Variants in CABLES1 observed in about 807,000 individuals in gnomAD.
The protein encoded by CABLES1 is CDK5 and ABL1 enzyme substrate 1.
Under a neutral mutation model 57.8 loss-of-function variants are expected in CABLES1, and 36 were observed. The ratio of observed to expected loss-of-function variants is 0.62; its 90% CI spans 0.48 to 0.82. The LOEUF (loss-of-function observed/expected upper bound fraction) is 0.82. Ranked by LOEUF, CABLES1 falls within the 40% of genes least tolerant of loss-of-function variation. The pLI, the probability that CABLES1 is intolerant of heterozygous loss-of-function variation, is 0.00. For synonymous variants in CABLES1, 374 were observed against 363.0 expected, an observed-to-expected ratio of 1.03 and a Z score of -0.35; for missense variants, 767 against 836.6, an observed-to-expected ratio of 0.92 and a Z score of 1.03.
intron 3 of CABLES1, among the ~76,000 whole-genome samples, chr18:23,208,394 CA>C (rs2047379945): frequency 6.6e-6 from 1 of 152,154 alleles, no homozygotes; most frequent in Non-Finnish European, 1.5e-5. Context: ...TGTTTTCGTT[CA>C]GCTCTCATTA....
At chr18:23,203,155 C>A (rs1396970073) in intron 3 of CABLES1, among the ~76,000 whole-genome samples, 1 of 152,122 alleles carries the variant, frequency 6.6e-6, no homozygotes, top group Non-Finnish European at 1.5e-5. Flanking sequence ...GTGGGTGTCT[C>A]CTCCCTCTGT....
intron 1 of CABLES1, among the ~76,000 whole-genome samples, chr18:23,174,782 C>T (rs1229252819): frequency 7.4e-6 from 1 of 135,700 alleles, no homozygotes; most frequent in Non-Finnish European, 1.6e-5. Context: ...CTGTGTTTAA[C>T]ATTTTGGAAT....
At chr18:23,256,912 T>A (rs1008697957) in intron 9 of CABLES1, among the ~76,000 whole-genome samples, 4 of 152,242 alleles carry the variant, frequency 2.6e-5, no homozygotes, top group Admixed American at 1.3e-4. Flanking sequence ...CTCTCTGACT[T>A]CTTGGAGCCC....
At chr18:23,211,285 G>A (rs2145049692) in intron 3 of CABLES1, among the ~76,000 whole-genome samples, 1 of 152,318 alleles carries the variant, frequency 6.6e-6, no homozygotes, top group East Asian at 1.9e-4. Context: ...CTAAGCCAGT[G>A]GAGTTTGTTC....
chr18:23,235,207 C>T (rs1201257341), intron 5 of CABLES1, among the ~76,000 whole-genome samples: 1 of 152,176 alleles, frequency 6.6e-6, no homozygotes, highest in African/African-American at 2.4e-5. Context: ...GATGACCCTG[C>T]CCTTTGTGCA....
chr18:23,215,290 G>A (rs1324480591), intron 4 of CABLES1, among the ~76,000 whole-genome samples: 7 of 152,156 alleles, frequency 4.6e-5, no homozygotes, highest in African/African-American at 1.7e-4. Flanking sequence ...TACCTGCTGT[G>A]GCCCCGGGTC....
At position 23,259,487 on chromosome 18, in the gene CABLES1, T is replaced by C. The variant is rs576669488; in HGVS notation, c.*2120T>C. On this transcript the variant is annotated 3_prime_UTR_variant, in exon 10 of 10. Coordinates refer to ENST00000256925, the MANE Select transcript of CABLES1 (RefSeq NM_001100619.3). The stretch of plus-strand genomic sequence containing the variant: ...TTATGAGGTGAGCCCATGAAGTTAG[T>C]GGTCCATTACTTTTTAAAGATGCAT... 1 of 152,370 alleles carries C rather than the reference T, an allele frequency of 6.6e-6. No homozygotes were observed. Among genetic ancestry groups the C allele is most frequent in the South Asian group, 2.1e-4 (1 of 4,830 alleles). The allele number at this position is 152,370 out of a possible 1,614,324, so 9.4% of individuals were successfully genotyped here. A position where few individuals can be genotyped will look rare whatever the true frequency, so the allele number is the denominator to read the frequency against.
intron 4 of CABLES1, among the ~76,000 whole-genome samples, chr18:23,230,387 AAAAC>A (rs1007759776): frequency 7.9e-5 from 12 of 152,190 alleles, no homozygotes; most frequent in African/African-American, 2.9e-4. Flanking sequence ...AAAAACAAAA[AAAAC>A]CTATAAGAAA....
intron 1 of CABLES1, among the ~76,000 whole-genome samples, chr18:23,145,344 C>T (rs1420596677): frequency 6.6e-6 from 1 of 151,984 alleles, no homozygotes; most frequent in East Asian, 1.9e-4. Context: ...CCACCCGTCT[C>T]GGCCTCCCAA....
At chr18:23,250,924 G>A (rs779149061) in intron 7 of CABLES1, among the ~76,000 whole-genome samples, 2 of 152,190 alleles carry the variant, frequency 1.3e-5, no homozygotes, top group Non-Finnish European at 2.9e-5. Context: ...TCACTTGAAC[G>A]GGGATGTGCT....
intron 9 of CABLES1, among the ~76,000 whole-genome samples, chr18:23,255,207 C>T (rs902443513): frequency 5.9e-5 from 9 of 152,206 alleles, no homozygotes; most frequent in Admixed American, 5.2e-4. Flanking sequence ...AAAGGGGTCA[C>T]TGTGGAGGAT....
Position 23,135,993 on chromosome 18 carries a change from G to C in CABLES1, c.231G>C (p.Arg77=), listed in dbSNP as rs1296930389. The change falls in exon 1 of 10, where the codon CGG becomes CGC. Residue 77 remains arginine (R), a synonymous_variant. Coordinates refer to ENST00000256925, the MANE Select transcript of CABLES1 (RefSeq NM_001100619.3). ...TCACCAACATCTCGCTGGACGGCCG[G>C]CTGCCGCCGCAGGACGCGGAGTGGG... The part of the protein sequence containing the change: ...SFLTNISLDG[R]LPPQDAEWGG... The C allele has an allele frequency of 9.7e-6, 11 of 1,139,682 alleles. No homozygotes were observed. Among genetic ancestry groups the C allele is most frequent in the Non-Finnish European group, 1.2e-5 (11 of 929,352 alleles). The allele number at this position is 1,139,682 out of a possible 1,614,324, so 70.6% of individuals were successfully genotyped here.
At chr18:23,223,854 A>G (rs1250515820) in intron 4 of CABLES1, among the ~76,000 whole-genome samples, 1 of 152,054 alleles carries the variant, frequency 6.6e-6, no homozygotes, top group Non-Finnish European at 1.5e-5. Flanking sequence ...TTGAATAAAG[A>G]CTGGGTATGG....
Position 23,140,438 on chromosome 18 carries a change from C to CT in CABLES1, c.845+3847dup, listed in dbSNP as rs11358415. ...TATTTTTCTTTCTTTCGTTTTCTTT[C>CT]TTTTTTTTTTTTTTTTGAGATGGAG... On this transcript the variant is annotated intron_variant, in intron 1 of 9. Transcript: ENST00000256925. 6.3e-3 allele frequency among the ~76,000 whole-genome samples: 866 copies of CT among 138,292 alleles called. 9 individuals carry two copies. The highest frequency in any genetic ancestry group is 0.018 in the African/African-American group (666 of 36,708). 90.7% of individuals were successfully genotyped at this position (138,292 alleles called of 152,430 possible).
At chr18:23,152,832 G>A (rs565526280) in intron 1 of CABLES1, among the ~76,000 whole-genome samples, 7 of 150,918 alleles carry the variant, frequency 4.6e-5, no homozygotes, top group South Asian at 4.2e-4. Context: ...ACAGAGTTTC[G>A]CTCTTGTTGC....
intron 2 of CABLES1, among the ~76,000 whole-genome samples, chr18:23,193,755 A>G (rs574249937): frequency 6.6e-5 from 10 of 152,342 alleles, no homozygotes; most frequent in African/African-American, 2.2e-4. Flanking sequence ...CCTATGGTCT[A>G]TTTTGCCAGT....
At chr18:23,151,128 C>G (rs1309387705) in intron 1 of CABLES1, among the ~76,000 whole-genome samples, 1 of 151,498 alleles carries the variant, frequency 6.6e-6, no homozygotes, top group Non-Finnish European at 1.5e-5. Context: ...ACGCCCTTCT[C>G]CTGCCTCAGC....
chr18:23,180,775 A>G (rs1260671418), intron 1 of CABLES1, among the ~76,000 whole-genome samples: 1 of 152,156 alleles, frequency 6.6e-6, no homozygotes, highest in Admixed American at 6.5e-5. Context: ...TTTGTACCCT[A>G]CTTTTTAGGA....
At chr18:23,169,054 G>T (rs1013943655) in intron 1 of CABLES1, among the ~76,000 whole-genome samples, 9 of 152,226 alleles carry the variant, frequency 5.9e-5, no homozygotes, top group Admixed American at 1.3e-4. Context: ...AAAAAAGTCG[G>T]CTAAATCCCA....
Sources: gnomAD v4.1 joint callset for allele counts (sites outside exome capture counted in the v4.1 genomes callset) on GRCh38, gnomAD v4.1.1 for gene constraint, MANE v1.5 for transcripts, NCBI Gene and HGNC (gene_info 2026-07-23, HGNC 2026-07-21) for gene names.